The following CTNNA3 variants were observed in gnomAD, a reference collection of about 807,000 sequenced individuals.
CTNNA3 encodes catenin alpha 3, also known as catenin alpha-3.
A neutral mutation model predicts 95.7 loss-of-function variants in CTNNA3; 76 were observed. The observed-to-expected ratio is 0.79, with a 90% confidence interval of 0.66 to 0.96. The LOEUF (loss-of-function observed/expected upper bound fraction) is 0.96. CTNNA3 is among the 40% of genes least tolerant of loss of function. The pLI, the probability that CTNNA3 is intolerant of heterozygous loss-of-function variation, is 0.00. For synonymous variants in CTNNA3, 431 were observed against 374.4 expected (o/e 1.15, Z -1.74); for missense variants, 1,191 against 1,089.8 (o/e 1.09, Z -1.31).
chr10:66,245,276 G>C (rs565765182), intron 13 of CTNNA3, among the ~76,000 whole-genome samples: 122 of 152,256 alleles, frequency 8.0e-4, no homozygotes, highest in African/African-American at 2.9e-3. Context: ...GAAGCACATT[G>C]GTGCCCAGAA....
chr10:66,282,797 A>G (rs933802775), intron 12 of CTNNA3, among the ~76,000 whole-genome samples: 3 of 151,900 alleles, frequency 2.0e-5, no homozygotes, highest in Non-Finnish European at 2.9e-5. Context: ...TACAGTGTTT[A>G]CAAGTTTTCA....
At chr10:67,546,868 C>A (rs1840860146) in intron 3 of CTNNA3, among the ~76,000 whole-genome samples, 1 of 152,132 alleles carries the variant, frequency 6.6e-6, no homozygotes, top group Non-Finnish European at 1.5e-5. Context: ...CATGAATACA[C>A]TTAAATTATA....
intron 5 of CTNNA3, among the ~76,000 whole-genome samples, chr10:67,365,395 A>G (rs1349666313): frequency 6.6e-6 from 1 of 152,222 alleles, no homozygotes; most frequent in East Asian, 1.9e-4. Flanking sequence ...TAAACTAAAG[A>G]GCTTCTGCAC....
Position 66,315,671 on chromosome 10 carries a change from G to T in CTNNA3, c.1733-35050C>A, listed in dbSNP as rs2092091292. On this transcript the variant is annotated intron_variant, in intron 12 of 17. Transcript: ENST00000433211. ...TTCTCAGGCCAGATGTTACAGAGAA[G>T]GATGAGGCTGATAAAAGGCAATATG... Among the ~76,000 whole-genome samples, 4 of 152,132 alleles carry T rather than the reference G, an allele frequency of 2.6e-5. 1 individual carries two copies. The South Asian group carries it at 8.3e-4, about 31-fold the overall frequency.
chr10:66,760,395 TG>T (rs1287856789), intron 9 of CTNNA3, among the ~76,000 whole-genome samples: 17 of 152,216 alleles, frequency 1.1e-4, no homozygotes, highest in Non-Finnish European at 2.2e-4. Context: ...ACAGTATTCC[TG>T]GAACACAGGA....
At chr10:67,757,298 G>A (rs114750978) in intron 1 of CTNNA3, among the ~76,000 whole-genome samples, 8 of 152,324 alleles carry the variant, frequency 5.3e-5, no homozygotes, top group African/African-American at 1.2e-4. Flanking sequence ...TAAGGTCAAC[G>A]TGGTGGTTAA....
intron 9 of CTNNA3, among the ~76,000 whole-genome samples, chr10:66,654,588 T>C (rs1846014104): frequency 6.6e-6 from 1 of 152,084 alleles, no homozygotes; most frequent in Non-Finnish European, 1.5e-5. Context: ...TATGATCTTG[T>C]AATCTCACTT....
chr10:65,992,177 T>C (rs370140576), intron 15 of CTNNA3, among the ~76,000 whole-genome samples: 1 of 152,064 alleles, frequency 6.6e-6, no homozygotes, highest in African/African-American at 2.4e-5. Flanking sequence ...TTTTTGTGTC[T>C]CATTCATCAT....
intron 11 of CTNNA3, among the ~76,000 whole-genome samples, chr10:66,401,855 C>T (rs1317758397): frequency 2.0e-5 from 3 of 151,858 alleles, no homozygotes; most frequent in East Asian, 1.9e-4. Flanking sequence ...GACGGGGTTT[C>T]GCCATGTTGG....
intron 12 of CTNNA3, among the ~76,000 whole-genome samples, chr10:66,356,500 T>C (rs1403707431): frequency 2.0e-5 from 3 of 152,062 alleles, no homozygotes; most frequent in African/African-American, 7.2e-5. Flanking sequence ...CAATTGTTCA[T>C]TGCTAGCACG....
At chr10:66,148,254 A>T (rs1284039690) in intron 13 of CTNNA3, among the ~76,000 whole-genome samples, 1 of 152,016 alleles carries the variant, frequency 6.6e-6, no homozygotes, top group African/African-American at 2.4e-5. Context: ...ATAGTATAGT[A>T]TTGCCTATAT....
In CTNNA3 at chr10:67,587,567, G is replaced by T. The variant is rs180725182; in HGVS notation, c.292+19290C>A. ...TTTTCTGGCTTGTAAAGTTTCTGCT[G>T]AGAAGTCCACTGATAGTTTGATGGA... On this transcript the variant is annotated intron_variant, in intron 3 of 17. Transcript: ENST00000433211. Among the ~76,000 whole-genome samples, 250 of 152,272 alleles carry T rather than the reference G, an allele frequency of 1.6e-3. 1 individual carries two copies. The highest frequency in any genetic ancestry group is 2.4e-3 in the Non-Finnish European group (163 of 68,030).
chr10:66,911,477 T>A (rs79211668), intron 7 of CTNNA3, among the ~76,000 whole-genome samples: 2 of 152,308 alleles, frequency 1.3e-5, no homozygotes, highest in South Asian at 4.1e-4. Context: ...TAGTTAAATC[T>A]ATATGAGGTT....
intron 7 of CTNNA3, among the ~76,000 whole-genome samples, chr10:67,149,035 A>C (rs1022512109): frequency 3.9e-5 from 6 of 152,226 alleles, no homozygotes; most frequent in African/African-American, 9.6e-5. Flanking sequence ...ATTGTTAACA[A>C]CACTCAGGTA....
chr10:66,056,762 T>C (rs1156461773), intron 15 of CTNNA3, among the ~76,000 whole-genome samples: 2 of 152,192 alleles, frequency 1.3e-5, no homozygotes, highest in Non-Finnish European at 2.9e-5. Flanking sequence ...TACTTGCATA[T>C]GGTTAGGAAC....
chr10:67,689,243 A>T (rs560266883), intron 1 of CTNNA3, among the ~76,000 whole-genome samples: 3 of 152,190 alleles, frequency 2.0e-5, no homozygotes, highest in Admixed American at 1.3e-4. Context: ...AATAGGAAAG[A>T]TACCATTTCC....
chr10:66,784,367 TC>T (rs2132855800), intron 7 of CTNNA3, among the ~76,000 whole-genome samples: 2 of 152,288 alleles, frequency 1.3e-5, no homozygotes, highest in African/African-American at 4.8e-5. Flanking sequence ...ATAGCAGTCC[TC>T]TTAGCCTATT....
intron 1 of CTNNA3, among the ~76,000 whole-genome samples, chr10:67,762,627 A>C (rs78032252): frequency 2.6e-5 from 4 of 152,188 alleles, no homozygotes; most frequent in Non-Finnish European, 4.4e-5. Flanking sequence ...AAGTTATCTC[A>C]GGGTATAGGT....
chr10:66,038,361 T>A (rs1186467406), intron 15 of CTNNA3, among the ~76,000 whole-genome samples: 1 of 152,156 alleles, frequency 6.6e-6, no homozygotes, highest in African/African-American at 2.4e-5. Context: ...TCTATGAGGA[T>A]CAGCCTCTCT....
Sources: gnomAD v4.1 joint callset for allele counts (sites outside exome capture counted in the v4.1 genomes callset) on GRCh38, gnomAD v4.1.1 for gene constraint, MANE v1.5 for transcripts, NCBI Gene and HGNC (gene_info 2026-07-23, HGNC 2026-07-21) for gene names.